PDE11A: variants seen among roughly 807,000 people sequenced by gnomAD.
PDE11A encodes dual 3',5'-cyclic-AMP and -GMP phosphodiesterase 11A.
A neutral mutation model predicts 100.5 loss-of-function variants in PDE11A; 100 were observed. The observed-to-expected ratio is 1.00, with a 90% CI of 0.85 to 1.18. PDE11A has a LOEUF of 1.18. Ranked by LOEUF, PDE11A falls within the 50% of genes most tolerant of loss-of-function variation. The pLI is 0.00. For missense variants in PDE11A, 1,141 were observed against 1,152.6 expected, an observed-to-expected ratio of 0.99 and a Z score of 0.15; for synonymous variants, 381 against 420.8, an observed-to-expected ratio of 0.91 and a Z score of 1.16.
chr2:178,031,663 T>C (rs183087056), intron 1 of PDE11A, among the ~76,000 whole-genome samples: 6 of 152,166 alleles, frequency 3.9e-5, no homozygotes, highest in Admixed American at 3.3e-4. Flanking sequence ...TTAAAGAAGA[T>C]TAAATTGGAA....
At chr2:177,981,462 C>T (rs967198865) in intron 2 of PDE11A, among the ~76,000 whole-genome samples, 7 of 150,558 alleles carry the variant, frequency 4.6e-5, no homozygotes, top group African/African-American at 1.7e-4. Flanking sequence ...GGCAGCATAA[C>T]TCCAGTCTTC....
chr2:177,995,209 C>A (rs1189209209), intron 2 of PDE11A, among the ~76,000 whole-genome samples: 1 of 151,216 alleles, frequency 6.6e-6, no homozygotes, highest in African/African-American at 2.4e-5. Context: ...AGTGGCGGGT[C>A]AATTTTCAAA....
Position 177,977,661 on chromosome 2 carries a change from A to C in PDE11A, c.1071+36641T>G, listed in dbSNP as rs1366450006. Among the ~76,000 whole-genome samples the C allele has an allele frequency of 5.9e-5, 7 of 119,188 alleles. No homozygotes were observed. In the East Asian group the frequency reaches 1.7e-3, roughly 28 times the overall value. 78.2% of individuals were successfully genotyped at this position (119,188 alleles called of 152,430 possible). On this transcript the variant is annotated intron_variant, in intron 2 of 19. Transcript: ENST00000286063. ...TCCTAAGCCAAAAGAACAAAGCTGG[A>C]GGCATCACACTACCTGACTTCAAAC...
chr2:177,859,628 G>A (rs1253560571), intron 5 of PDE11A, among the ~76,000 whole-genome samples: 1 of 151,714 alleles, frequency 6.6e-6, no homozygotes, highest in Non-Finnish European at 1.5e-5. Context: ...AGACCTAACA[G>A]ACATCTATAG....
chr2:177,822,196 TTCCTAGAA>T (rs1321529888), intron 6 of PDE11A, among the ~76,000 whole-genome samples: 1 of 152,024 alleles, frequency 6.6e-6, no homozygotes, highest in African/African-American at 2.4e-5. Flanking sequence ...TTCTGTGCTT[TTCCTAGAA>T]TCCTTACTGT....
At chr2:178,107,489 T>C (rs1480022290) in intron 1 of PDE11A, among the ~76,000 whole-genome samples, 1 of 151,166 alleles carries the variant, frequency 6.6e-6, no homozygotes, top group Admixed American at 6.6e-5. Flanking sequence ...CAAACATTTG[T>C]ATGTGCTTAG....
At chr2:177,720,965 G>A (rs549482883) in intron 12 of PDE11A, among the ~76,000 whole-genome samples, 5 of 152,212 alleles carry the variant, frequency 3.3e-5, no homozygotes, top group African/African-American at 1.2e-4. Flanking sequence ...AAGTGCTTGT[G>A]TATGTAAGTC....
rs1414998299 is a variant in PDE11A at position 177,728,087 on chromosome 2, G to A, written c.1874C>T (p.Thr625Ile). ...CTCCATGAACATCCGGAGAGCAGCTGTGATCATGGCATCAACGTCGAGAGA... is the reference window on the plus strand; with the variant it reads ...CTCCATGAACATCCGGAGAGCAGCTATGATCATGGCATCAACGTCGAGAGA... Reference protein sequence around the residue: ...DFSLDVDAMITAALRMFMELG... With the variant: ...DFSLDVDAMIIAALRMFMELG... Residue 625 changes from threonine to isoleucine, a missense_variant, in exon 11 of 20, where the codon ACA becomes ATA. By Grantham distance (89) the Thr-to-Ile change is moderately conservative. Coordinates refer to ENST00000286063, the MANE Select transcript of PDE11A (RefSeq NM_016953.4). 2 of 1,612,486 alleles carry A rather than the reference G, an allele frequency of 1.2e-6. No individual in the cohort carries two copies. Among genetic ancestry groups the A allele is most frequent in the African/African-American group, 1.3e-5 (1 of 74,974 alleles).
chr2:178,034,695 A>G (rs2086588752), intron 1 of PDE11A, among the ~76,000 whole-genome samples: 1 of 152,236 alleles, frequency 6.6e-6, no homozygotes, highest in South Asian at 2.1e-4. Context: ...CAGTACAATC[A>G]AATTAGAACT....
At chr2:177,670,052 A>G (rs566940514) in intron 17 of PDE11A, among the ~76,000 whole-genome samples, 2 of 152,174 alleles carry the variant, frequency 1.3e-5, no homozygotes, top group Non-Finnish European at 2.9e-5. Context: ...CTCCCTACCA[A>G]TATTTGTATG....
intron 9 of PDE11A, among the ~76,000 whole-genome samples, chr2:177,791,872 TA>T (rs1266548266): frequency 6.6e-6 from 1 of 152,224 alleles, no homozygotes; most frequent in East Asian, 1.9e-4. Context: ...GCTTAGTTAT[TA>T]ATTTCAATCA....
At chr2:178,060,346 G>C (rs10930822) in intron 1 of PDE11A, among the ~76,000 whole-genome samples, 44,462 of 152,122 alleles carry the variant, frequency 0.29, 6,629 homozygotes, top group Non-Finnish European at 0.31. Context: ...AAAACAAAAA[G>C]AGAAGAGAAA....
chr2:178,023,825 GAGA>G (rs1216598296), intron 1 of PDE11A, among the ~76,000 whole-genome samples: 1 of 152,092 alleles, frequency 6.6e-6, no homozygotes, highest in Non-Finnish European at 1.5e-5. Flanking sequence ...GTAAATTGTG[GAGA>G]AGATTACAGA....
intron 10 of PDE11A, among the ~76,000 whole-genome samples, chr2:177,736,246 T>G (rs2081779694): frequency 6.6e-6 from 1 of 152,164 alleles, no homozygotes; most frequent in Non-Finnish European, 1.5e-5. Context: ...GCGTAGTGGC[T>G]CATGCCTGTA....
Position 177,794,992 on chromosome 2 carries a change from G to A in PDE11A, c.1737+21837C>T, listed in dbSNP as rs534116602. Among the ~76,000 whole-genome samples the A allele has an allele frequency of 2.1e-3, 314 of 152,164 alleles. 1 individual carries two copies. Among genetic ancestry groups the A allele is most frequent in the African/African-American group, 7.2e-3 (298 of 41,520 alleles). ...AGTAGAGATGAGGTTTCACTATGTTGACCAGGCTGGTCTTGAACTCCTGAC... is the reference window on the plus strand; with the variant it reads ...AGTAGAGATGAGGTTTCACTATGTTAACCAGGCTGGTCTTGAACTCCTGAC... On this transcript the variant is annotated intron_variant, in intron 9 of 19. Transcript: ENST00000286063.
intron 2 of PDE11A, chr2:177,922,843 C>T (rs1574281598): frequency 1.0e-6 from 1 of 983,708 alleles, no homozygotes; most frequent in Non-Finnish European, 1.2e-6. Flanking sequence ...TCTTGTATTC[C>T]AGTCACAATA....
chr2:178,021,728 C>T (rs1316440958), intron 1 of PDE11A, among the ~76,000 whole-genome samples: 3 of 152,072 alleles, frequency 2.0e-5, no homozygotes, highest in African/African-American at 7.2e-5. Flanking sequence ...ACAATATCTC[C>T]CAAAGAAAGT....
intron 3 of PDE11A, among the ~76,000 whole-genome samples, chr2:177,903,849 TG>T (rs1274876117): frequency 3.3e-5 from 5 of 152,156 alleles, no homozygotes; most frequent in Non-Finnish European, 7.3e-5. Context: ...GATTGTTTGC[TG>T]GAAATTGGGG....
chr2:178,105,328 C>T (rs147495512), intron 1 of PDE11A, among the ~76,000 whole-genome samples: 47 of 152,154 alleles, frequency 3.1e-4, no homozygotes, highest in Middle Eastern at 3.4e-3. Context: ...GGTGTGGTGG[C>T]GGACGCCTGT....
Sources: allele counts gnomAD v4.1 joint callset (sites outside exome capture counted in the v4.1 genomes callset), GRCh38; gene constraint gnomAD v4.1.1; transcripts MANE v1.5; gene names NCBI Gene and HGNC (gene_info 2026-07-23, HGNC 2026-07-21).